CDCA7L: variants seen among roughly 807,000 people sequenced by gnomAD.
CDCA7L encodes cell division cycle-associated 7-like protein.
Under a neutral mutation model 57.4 loss-of-function variants are expected in CDCA7L, and 44 were observed. The ratio of observed to expected loss-of-function variants is 0.77; its 90% CI spans 0.60 to 0.98. CDCA7L has a LOEUF of 0.98. Among genes scored for constraint, CDCA7L ranks in the 50% least tolerant of loss-of-function variants. The probability of loss-of-function intolerance (pLI) is 0.00; values close to 1 mark genes in which losing one functional copy is unlikely to be tolerated. For synonymous variants in CDCA7L, 236 were observed against 202.8 expected, an observed-to-expected ratio of 1.16 and a Z score of -1.39; for missense variants, 644 against 580.6, an observed-to-expected ratio of 1.11 and a Z score of -1.12.
chr7:21,940,356 G>C (rs1379573160), intron 1 of CDCA7L: 1 of 954,250 alleles, frequency 1.0e-6, no homozygotes, highest in African/African-American at 1.8e-5. Flanking sequence ...AATTAAAAGA[G>C]TATATTACTA....
Position 21,911,606 on chromosome 7 carries a change from G to A in CDCA7L, c.303+11C>T, listed in dbSNP as rs759634636. 6.2e-6 allele frequency: 10 copies of A among 1,606,162 alleles called. No individual in the cohort carries two copies. The highest frequency in any genetic ancestry group is 8.5e-6 in the Non-Finnish European group (10 of 1,177,726). Reference sequence around the variant, plus strand: ...GTTACCACCCACATCCCTTCCTGTTGTAATTATTACCATTACTTCTGGGTT... The same window carrying A: ...GTTACCACCCACATCCCTTCCTGTTATAATTATTACCATTACTTCTGGGTT... On this transcript the variant is annotated intron_variant, in intron 3 of 9. Transcript: ENST00000406877.
At chr7:21,937,075 G>A (rs763335341) in intron 1 of CDCA7L, among the ~76,000 whole-genome samples, 2 of 152,034 alleles carry the variant, frequency 1.3e-5, no homozygotes, top group African/African-American at 2.4e-5. Flanking sequence ...AAAGTACTTA[G>A]AAATAAGTTT....
rs1216852693 is a variant in CDCA7L, at chr7:21,902,285, C to G, written c.*37G>C. The G allele has an allele frequency of 1.3e-6, 2 of 1,588,930 alleles. No homozygotes were observed. The highest frequency in any genetic ancestry group is 1.7e-6 in the Non-Finnish European group (2 of 1,157,214). On this transcript the variant is annotated 3_prime_UTR_variant, in exon 10 of 10. Transcript: ENST00000406877. ...ATGGTATGCATGTCTTGTTGGAGTA[C>G]TCTATGGTGAGGTGGCTGGTTCTGT...
chr7:21,905,710 G>C, intron 6 of CDCA7L, 79 bp from the exon 7 acceptor site: 3 of 1,444,202 alleles, frequency 2.1e-6, no homozygotes, highest in Non-Finnish European at 2.8e-6. Flanking sequence ...AACTCTCAAA[G>C]ATCTAGCACC....
chr7:21,922,234 A>T (rs940904832), intron 1 of CDCA7L, among the ~76,000 whole-genome samples: 3 of 152,208 alleles, frequency 2.0e-5, no homozygotes, highest in African/African-American at 7.2e-5. Flanking sequence ...AAAGGACTGC[A>T]GGTTTCCCTT....
intron 7 of CDCA7L, among the ~76,000 whole-genome samples, chr7:21,905,179 C>T (rs555251737): frequency 5.3e-5 from 8 of 152,072 alleles, no homozygotes; most frequent in Non-Finnish European, 1.2e-4. Context: ...TTATATTACC[C>T]CCCAAATATA....
At chr7:21,936,831 AAAAT>A (rs1258339806) in intron 1 of CDCA7L, among the ~76,000 whole-genome samples, 3 of 152,182 alleles carry the variant, frequency 2.0e-5, no homozygotes, top group African/African-American at 4.8e-5. Flanking sequence ...TCAGGCAAGA[AAAAT>A]AAATAACGCA....
chr7:21,901,474 T>TAGGAGAATCACTTGAACCTAGGAGGCAA lies in CDCA7L; in HGVS notation c.*820_*847dup, dbSNP rs1562615543. 2.0e-6 allele frequency: 1 copy of TAGGAGAATCACTTGAACCTAGGAGGCAA among 511,394 alleles called. No homozygotes were observed. Among genetic ancestry groups the TAGGAGAATCACTTGAACCTAGGAGGCAA allele is most frequent in the African/African-American group, 2.0e-5 (1 of 50,480 alleles). 31.7% of individuals were successfully genotyped at this position (511,394 alleles called of 1,614,324 possible). ...ACTGTAATCCCAGTTACTCAGGAGGTAGGAGAATCACTTGAACCTAGGAGG... is the reference window on the plus strand; with the variant it reads ...ACTGTAATCCCAGTTACTCAGGAGGTAGGAGAATCACTTGAACCTAGGAGGCAAAGGAGAATCACTTGAACCTAGGAGG... On this transcript the variant is annotated 3_prime_UTR_variant, in exon 10 of 10. Transcript: ENST00000406877.
chr7:21,926,394 A>C (rs976010921), intron 1 of CDCA7L, among the ~76,000 whole-genome samples: 2 of 152,232 alleles, frequency 1.3e-5, no homozygotes, highest in African/African-American at 4.8e-5. Context: ...CAAATCATGT[A>C]TCTAATAAGG....
chr7:21,906,508 C>T (rs2128057824), intron 5 of CDCA7L, 52 bp from the exon 6 acceptor site: 1 of 1,611,570 alleles, frequency 6.2e-7, no homozygotes, highest in East Asian at 2.2e-5. Context: ...CGAATAAAAG[C>T]CGTCTGGTGG....
At position 21,908,117 on chromosome 7, in the gene CDCA7L, C is replaced by T. The variant is rs931543146; in HGVS notation, c.681+13G>A. 4.9e-5 allele frequency: 74 copies of T among 1,509,750 alleles called. No homozygotes were observed. Among genetic ancestry groups the T allele is most frequent in the East Asian group, 2.6e-4 (11 of 42,836 alleles). The allele number at this position is 1,509,750 out of a possible 1,614,324, so 93.5% of individuals were successfully genotyped here. ...TGGTGCCAACTCCCAGGACGCCCTC[C>T]GTGAAGCCTCACCATGGCTTTGTTC... is the stretch of plus-strand genomic sequence containing the variant. On this transcript the variant is annotated intron_variant, in intron 4 of 9. Coordinates refer to ENST00000406877, the MANE Select transcript of CDCA7L (RefSeq NM_018719.5).
intron 8 of CDCA7L, 102 bp downstream of exon 8, chr7:21,904,008 T>G: frequency 9.7e-6 from 11 of 1,132,766 alleles, no homozygotes; most frequent in Middle Eastern, 2.2e-4. Context: ...AAAACCAGAG[T>G]TCTGGAGCTC....
chr7:21,915,964 G>A (rs534365698), intron 2 of CDCA7L, among the ~76,000 whole-genome samples: 2 of 152,252 alleles, frequency 1.3e-5, no homozygotes, highest in South Asian at 4.1e-4. Context: ...CAGAGACCAG[G>A]GAGCCTCCAG....
intron 9 of CDCA7L, 45 bp from the exon 10 acceptor site, chr7:21,902,397 C>G (rs751396451): frequency 6.4e-7 from 1 of 1,561,138 alleles, no homozygotes; most frequent in Admixed American, 1.7e-5. Flanking sequence ...TACAAATACA[C>G]AAATGGCATT....
At chr7:21,923,804 G>A (rs777032753) in intron 1 of CDCA7L, among the ~76,000 whole-genome samples, 4 of 152,200 alleles carry the variant, frequency 2.6e-5, no homozygotes, top group Non-Finnish European at 5.9e-5. Flanking sequence ...CTGAAATCCA[G>A]CTTTGTTCTA....
intron 1 of CDCA7L, among the ~76,000 whole-genome samples, chr7:21,918,415 T>A (rs1027076796): frequency 7.2e-5 from 11 of 152,310 alleles, no homozygotes; most frequent in African/African-American, 2.6e-4. Flanking sequence ...GTATTCACAG[T>A]TCTTCTGCCT....
At chr7:21,938,995 T>G (rs1192915979) in intron 1 of CDCA7L, among the ~76,000 whole-genome samples, 5 of 151,906 alleles carry the variant, frequency 3.3e-5, no homozygotes, top group Non-Finnish European at 7.4e-5. Flanking sequence ...GGCAACAGAG[T>G]GAGACCCTGT....
intron 1 of CDCA7L, among the ~76,000 whole-genome samples, chr7:21,945,145 T>G (rs1193278836): frequency 6.6e-6 from 1 of 151,986 alleles, no homozygotes; most frequent in Admixed American, 6.6e-5. Flanking sequence ...GCTAATGAGT[T>G]TTAAAGACGA....
rs186129857 is a variant in CDCA7L at position 21,919,262 on chromosome 7, A to C, written c.25-2368T>G. Among the ~76,000 whole-genome samples, 1,188 of 152,242 alleles carry C rather than the reference A, an allele frequency of 7.8e-3. 6 individuals are homozygous for C. Among genetic ancestry groups the C allele is most frequent in the Non-Finnish European group, 0.012 (783 of 68,014 alleles). On this transcript the variant is annotated intron_variant, in intron 1 of 9. Transcript: ENST00000406877. ...CATGTATATCCATGGATTTCTAAAA[A>C]TTATTATTAAATGTGTTATAATCCA...
Sources: gnomAD v4.1 joint callset for allele counts (sites outside exome capture counted in the v4.1 genomes callset) on GRCh38, gnomAD v4.1.1 for gene constraint, MANE v1.5 for transcripts, NCBI Gene and HGNC (gene_info 2026-07-23, HGNC 2026-07-21) for gene names.